Variants in FLG2 observed in about 807,000 individuals in gnomAD.
FLG2 encodes the protein filaggrin-2.
Under a neutral mutation model 3.9 loss-of-function variants are expected in FLG2, and 7 were observed. The ratio of observed to expected loss-of-function variants is 1.79; its 90% CI spans 1.02 to 3.36. The LOEUF (loss-of-function observed/expected upper bound fraction) is 3.36, where lower values mean the gene tolerates loss of function less well. Ranked by LOEUF, FLG2 falls within the 30% of genes most tolerant of loss-of-function variation. The probability of loss-of-function intolerance (pLI) is 0.00; values close to 1 mark genes in which losing one functional copy is unlikely to be tolerated. For synonymous variants in FLG2, 1,031 were observed against 1,056.1 expected, an observed-to-expected ratio of 0.98 and a Z score of 0.46; for missense variants, 2,700 against 2,809.4, an observed-to-expected ratio of 0.96 and a Z score of 0.88.
At chr1:152,358,146 C>T (rs533610902) in intron 2 of FLG2, among the ~76,000 whole-genome samples, 15 of 152,000 alleles carry the variant, frequency 9.9e-5, no homozygotes, top group South Asian at 4.2e-4. Context: ...CTCAGCCTCC[C>T]GAGTAGCTGG....
chr1:152,352,014 T>G lies in FLG2; in HGVS notation c.5772A>C (p.Gly1924=). 1 of 1,613,974 alleles carries G rather than the reference T, an allele frequency of 6.2e-7. No homozygotes were observed. The highest frequency in any genetic ancestry group is 1.7e-5 in the Admixed American group (1 of 60,004). Residue 1924 remains glycine, a synonymous_variant, in exon 3 of 3, where the codon GGA becomes GGC. Coordinates refer to ENST00000388718, the MANE Select transcript of FLG2 (RefSeq NM_001014342.3). ...CATGTTCAGTGGTATCTCCTGTCTG[T>G]CCATGAGTAGTTTGGTGTCTCTTGT... The part of the protein sequence containing the change: ...TVHKRHQTTH[G]QTGDTTEHGH...
At chr1:152,358,929 C>T (rs1469873609) in intron 1 of FLG2, 23 bp from the exon 2 acceptor site, 5 of 1,571,642 alleles carry the variant, frequency 3.2e-6, no homozygotes, top group Admixed American at 2.0e-5. Context: ...AAACAAAGAA[C>T]CCTATTATTC....
Position 152,357,421 on chromosome 1 carries a change from G to A in FLG2, c.365C>T (p.Thr122Ile), listed in dbSNP as rs191207410. The change falls in exon 3 of 3, where the codon ACA becomes ATA. Residue 122 changes from threonine (T) to isoleucine (I), a missense_variant. Transcript: ENST00000388718. ...ESETEEDEED[T>I]PGHKSGYRHS... ...TCTGTAACCTGATTTATGTCCTGGT[G>A]TATCCTCTTCATCCTCTTCTGTTTC... is the stretch of plus-strand genomic sequence containing the variant. 8.7e-6 allele frequency: 14 copies of A among 1,614,136 alleles called. No homozygotes were observed. Among genetic ancestry groups the A allele is most frequent in the Admixed American group, 5.0e-5 (3 of 60,022 alleles).
In FLG2 at chr1:152,357,427, T is replaced by G; in HGVS notation, c.359A>C (p.Glu120Ala). 6.2e-7 allele frequency: 1 copy of G among 1,614,138 alleles called. No homozygotes were observed. Among genetic ancestry groups the G allele is most frequent in the Middle Eastern group, 1.6e-4 (1 of 6,062 alleles). The change falls in exon 3 of 3, where the codon GAG (glutamate) becomes GCG (alanine). Residue 120 changes from glutamate (E) to alanine (A), a missense_variant. Coordinates refer to ENST00000388718, the MANE Select transcript of FLG2 (RefSeq NM_001014342.3). ...EEESETEEDE[E>A]DTPGHKSGYR... is the part of the protein sequence containing the mutation. ...ACCTGATTTATGTCCTGGTGTATCC[T>G]CTTCATCCTCTTCTGTTTCACTTTC...
At position 152,351,906 on chromosome 1, in the gene FLG2, G is replaced by T. The variant is rs76395912; in HGVS notation, c.5880C>A (p.Asp1960Glu). The T allele has an allele frequency of 6.2e-7, 1 of 1,613,864 alleles. No individual in the cohort carries two copies. Among genetic ancestry groups the T allele is most frequent in the East Asian group, 2.2e-5 (1 of 44,846 alleles). Residue 1960 changes from aspartate (D) to glutamate (E), a missense_variant, in exon 3 of 3, where the codon GAC (aspartate) becomes GAA (glutamate). Coordinates refer to ENST00000388718, the MANE Select transcript of FLG2 (RefSeq NM_001014342.3). ...GTGAGACCCCTGAGGGCCCTTCACT[G>T]TCACTGTACTCACTGTGGCCAGATC... ...RRGSGHSEYS[D>E]SEGPSGVSHT...
chr1:152,358,292 A>G (rs1570945863), intron 2 of FLG2, among the ~76,000 whole-genome samples: 1 of 152,188 alleles, frequency 6.6e-6, no homozygotes, highest in African/African-American at 2.4e-5. Context: ...AAGTGCTGGG[A>G]TTACAGGCAT....
chr1:152,352,023 A>G lies in FLG2; in HGVS notation c.5763T>C (p.Thr1921=). Residue 1921 remains threonine (T), a synonymous_variant, in exon 3 of 3, where the codon ACT becomes ACC. Coordinates refer to ENST00000388718, the MANE Select transcript of FLG2 (RefSeq NM_001014342.3). ...SESTVHKRHQ[T]THGQTGDTTE... ...TGGTATCTCCTGTCTGTCCATGAGT[A>G]GTTTGGTGTCTCTTGTGAACTGTGG... is the stretch of plus-strand genomic sequence containing the variant. The G allele has an allele frequency of 6.2e-7, 1 of 1,613,408 alleles. No homozygotes were observed. Among genetic ancestry groups the G allele is most frequent in the Non-Finnish European group, 8.5e-7 (1 of 1,179,868 alleles).
chr1:152,354,747 A>T lies in FLG2; in HGVS notation c.3039T>A (p.Gly1013=). The change falls in exon 3 of 3, where the codon GGT becomes GGA. Residue 1013 remains glycine (G), a synonymous_variant. Coordinates refer to ENST00000388718, the MANE Select transcript of FLG2 (RefSeq NM_001014342.3). The stretch of plus-strand genomic sequence containing the variant: ...TCTGTCCTGAACTAGACCCATGTTG[A>T]CCATAGCCAGATGACTGACTTGAGC... The part of the protein sequence containing the change: ...GSGSSQSSGY[G]QHGSSSGQTT... 6.2e-7 allele frequency: 1 copy of T among 1,613,428 alleles called. No individual in the cohort carries two copies.
chr1:152,354,004 C>T lies in FLG2; in HGVS notation c.3782G>A (p.Gly1261Glu), dbSNP rs778510589. 5 of 1,614,168 alleles carry T rather than the reference C, an allele frequency of 3.1e-6. No individual in the cohort carries two copies. The highest frequency in any genetic ancestry group is 2.2e-5 in the South Asian group (2 of 91,084). The change falls in exon 3 of 3, where the codon GGG (glycine) becomes GAG (glutamate). Residue 1261 changes from glycine to glutamate, a missense_variant. Physicochemically the swap from Gly to Glu is moderately conservative, Grantham distance 98 (BLOSUM62 -2). Coordinates refer to ENST00000388718, the MANE Select transcript of FLG2 (RefSeq NM_001014342.3). ...QSGQGQSTQT[G>E]SRVTRRRRSS... ...TCTTCGTCTTCTAGTTACCCTGGAC[C>T]CTGTCTGTGTGGATTGTCCTTGACC...
At chr1:152,359,508 G>C (rs764818608) in intron 1 of FLG2, among the ~76,000 whole-genome samples, 4 of 152,112 alleles carry the variant, frequency 2.6e-5, no homozygotes, top group Non-Finnish European at 5.9e-5. Context: ...ACCAAACACT[G>C]TTTTCTTTAA....
Position 152,351,365 on chromosome 1 carries a change from G to A in FLG2, c.6421C>T (p.His2141Tyr). ...CCATGTATAGTTCCCTGTCTCCCGTGAATGGCAGATCCTGACTCTCCATGT... is the reference window on the plus strand; with the variant it reads ...CCATGTATAGTTCCCTGTCTCCCGTAAATGGCAGATCCTGACTCTCCATGT... The part of the protein sequence containing the change: ...SQHGESGSAI[H>Y]GRQGTIHGQT... The change falls in exon 3 of 3, where the codon CAC becomes TAC. Residue 2141 changes from histidine (H) to tyrosine (Y), a missense_variant. Physicochemically the swap from His to Tyr is moderately conservative, Grantham distance 83 (BLOSUM62 2). Coordinates refer to ENST00000388718, the MANE Select transcript of FLG2 (RefSeq NM_001014342.3). 2 of 1,613,762 alleles carry A rather than the reference G, an allele frequency of 1.2e-6. No individual in the cohort carries two copies. The highest frequency in any genetic ancestry group is 1.7e-6 in the Non-Finnish European group (2 of 1,179,974).
Position 152,355,150 on chromosome 1 carries a change from C to T in FLG2, c.2636G>A (p.Gly879Asp). ...SGFGQHRSSS[G>D]QYSGFGQHGS... The stretch of plus-strand genomic sequence containing the variant: ...ATGTTGTCCAAAGCCAGAGTATTGA[C>T]CTGAGCTTGACCTGTGTTGTCCAAA... Residue 879 changes from glycine (G) to aspartate (D), a missense_variant, in exon 3 of 3, where the codon GGT becomes GAT. Physicochemically the swap from Gly to Asp is moderately conservative, Grantham distance 94. Transcript: ENST00000388718. The T allele has an allele frequency of 3.2e-6, 5 of 1,555,166 alleles. 1 individual carries two copies. The highest frequency in any genetic ancestry group is 1.3e-5 in the African/African-American group (1 of 74,232).
In FLG2 at chr1:152,351,007, T is replaced by C. The variant is rs1201189787; in HGVS notation, c.6779A>G (p.Asp2260Gly). Residue 2260 changes from aspartate (D) to glycine (G), a missense_variant, in exon 3 of 3, where the codon GAC becomes GGC. Asp to Gly is a moderately conservative substitution (Grantham distance 94). Transcript: ENST00000388718. The part of the protein sequence containing the change: ...RRGSGHSESS[D>G]SEVHSWGSHT... ...TGAGCCCCATGAGTGCACTTCACTG[T>C]CACTGGACTCACTGTGGCCAGATCC... 6.2e-7 allele frequency: 1 copy of C among 1,613,566 alleles called. No individual in the cohort carries two copies. The highest frequency in any genetic ancestry group is 1.3e-5 in the African/African-American group (1 of 74,700).
rs755182368 is a variant in FLG2 at position 152,358,693 on chromosome 1, A to G, written c.138+54T>C. Reference sequence around the variant, plus strand: ...ACTTTTTAGCTGATCTGGGTCATACAACAGAGCTTGTACAGGACTCCAGCA... The same window carrying G: ...ACTTTTTAGCTGATCTGGGTCATACGACAGAGCTTGTACAGGACTCCAGCA... On this transcript the variant is annotated intron_variant, in intron 2 of 2. Transcript: ENST00000388718. The G allele has an allele frequency of 1.3e-4, 201 of 1,576,068 alleles. 1 individual carries two copies. The highest frequency in any genetic ancestry group is 8.5e-4 in the Middle Eastern group (5 of 5,886).
rs757595838 is a variant in FLG2 at position 152,352,103 on chromosome 1, T to C, written c.5683A>G (p.Thr1895Ala). Residue 1895 changes from threonine (T) to alanine (A), a missense_variant, in exon 3 of 3, where the codon ACA (threonine) becomes GCA (alanine). Thr to Ala is a moderately conservative substitution (Grantham distance 58). Transcript: ENST00000388718. The stretch of plus-strand genomic sequence containing the variant: ...TGGCTGTGTGTGTGTCCTGAATGTG[T>C]ATGTGAGCCCCCTGAGTGCACTTCA... Reference protein sequence around the residue: ...DSEVHSGGSHTHSGHTHSQAR... With the variant: ...DSEVHSGGSHAHSGHTHSQAR... The C allele has an allele frequency of 4.3e-6, 7 of 1,613,532 alleles. No homozygotes were observed. The South Asian group carries it at 7.7e-5, about 18-fold the overall frequency.
intron 2 of FLG2, 68 bp downstream of exon 2, chr1:152,358,679 G>C: frequency 1.3e-6 from 2 of 1,527,896 alleles, no homozygotes; most frequent in African/African-American, 1.4e-5. Flanking sequence ...CTTTTTAGCT[G>C]ATCTGGGTCA....
chr1:152,357,138 A>C lies in FLG2; in HGVS notation c.648T>G (p.Ser216=). 6.2e-7 allele frequency: 1 copy of C among 1,614,086 alleles called. No homozygotes were observed. The highest frequency in any genetic ancestry group is 1.1e-5 in the South Asian group (1 of 91,070). ...ATTCATACTCCTCCCCAGATTCCCT[A>C]GAAGGGCTAATGTGTGACTTGTTTA... The part of the protein sequence containing the change: ...ERINKSHISP[S]RESGEEYESG... Residue 216 remains serine, a synonymous_variant, in exon 3 of 3, where the codon TCT becomes TCG. Transcript: ENST00000388718.
rs779292724 is a variant in FLG2, at chr1:152,356,843, A to T, written c.943T>A (p.Ser315Thr). ...CCCTTAATTCCTGACTGACAGCCTG[A>T]CTGAATATAGCTAAATTGATTTCCT... ...GQGNQFSYIQSGCQSGIKGGQ... is the reference protein window; with the variant it reads ...GQGNQFSYIQTGCQSGIKGGQ... The change falls in exon 3 of 3, where the codon TCA (serine) becomes ACA (threonine). Residue 315 changes from serine (S) to threonine (T), a missense_variant. By Grantham distance (58) the Ser-to-Thr change is moderately conservative. Transcript: ENST00000388718. The T allele has an allele frequency of 2.5e-6, 4 of 1,614,052 alleles. No homozygotes were observed. The Admixed American group carries it at 6.7e-5, about 27-fold the overall frequency.
Position 152,355,114 on chromosome 1 carries a change from G to A in FLG2, c.2672C>T (p.Ser891Leu). 1 of 1,555,722 alleles carries A rather than the reference G, an allele frequency of 6.4e-7. No homozygotes were observed. Among genetic ancestry groups the A allele is most frequent in the Non-Finnish European group, 8.7e-7 (1 of 1,153,740 alleles). ...TTGTCCAAAGCCACTGGACTGACCT[G>A]AGCCTGATCCATGTTGTCCAAAGCC... Reference protein sequence around the residue: ...YSGFGQHGSGSGQSSGFGQHG... With the variant: ...YSGFGQHGSGLGQSSGFGQHG... Residue 891 changes from serine (S) to leucine (L), a missense_variant, in exon 3 of 3, where the codon TCA becomes TTA. Coordinates refer to ENST00000388718, the MANE Select transcript of FLG2 (RefSeq NM_001014342.3).
Sources: gnomAD v4.1 joint callset for allele counts (sites outside exome capture counted in the v4.1 genomes callset) on GRCh38, gnomAD v4.1.1 for gene constraint, MANE v1.5 for transcripts, NCBI Gene and HGNC (gene_info 2026-07-23, HGNC 2026-07-21) for gene names.